Variants in CLSTN2 observed in about 807,000 individuals in gnomAD.
CLSTN2 encodes calsyntenin 2.
CLSTN2 carries 48 observed loss-of-function variants against 101.2 expected under a neutral mutation model. The observed-to-expected ratio is 0.47, with a 90% confidence interval of 0.38 to 0.60. CLSTN2 has a LOEUF of 0.60. Ranked by LOEUF, CLSTN2 falls within the 20% of genes least tolerant of loss-of-function variation. CLSTN2 has a pLI of 0.00. For synonymous variants in CLSTN2, 481 were observed against 463.6 expected, an observed-to-expected ratio of 1.04 and a Z score of -0.48; for missense variants, 1,160 against 1,238.2, an observed-to-expected ratio of 0.94 and a Z score of 0.95.
chr3:140,151,407 C>A (rs997070486), intron 1 of CLSTN2, among the ~76,000 whole-genome samples: 1 of 151,942 alleles, frequency 6.6e-6, no homozygotes, highest in Admixed American at 6.6e-5. Context: ...TCAGGTAGCT[C>A]AAGGTGTCAG....
rs534893910 is a variant in CLSTN2, at chr3:140,208,251, T to C, written c.232+32178T>C. ...ATGGCTCATTTTCAAGGTAACTCTTTATTGAAATTTGTTTTGATGTACGAT... is the reference window on the plus strand; with the variant it reads ...ATGGCTCATTTTCAAGGTAACTCTTCATTGAAATTTGTTTTGATGTACGAT... On this transcript the variant is annotated intron_variant, in intron 2 of 16. Coordinates refer to ENST00000458420, the MANE Select transcript of CLSTN2 (RefSeq NM_022131.3). Among the ~76,000 whole-genome samples, 5 of 152,346 alleles carry C rather than the reference T, an allele frequency of 3.3e-5. No homozygotes were observed. In the East Asian group the frequency reaches 7.7e-4, roughly 24 times the overall value.
intron 2 of CLSTN2, among the ~76,000 whole-genome samples, chr3:140,335,350 G>C (rs947508231): frequency 6.6e-6 from 1 of 152,102 alleles, no homozygotes; most frequent in African/African-American, 2.4e-5. Flanking sequence ...ATAAATTTCG[G>C]TACCACCTTC....
chr3:140,002,294 G>A (rs1209115726), intron 1 of CLSTN2, among the ~76,000 whole-genome samples: 1 of 152,078 alleles, frequency 6.6e-6, no homozygotes, highest in African/African-American at 2.4e-5. Context: ...GTTTTGATTT[G>A]CATTTCTCTG....
chr3:140,558,521 CACTT>C, intron 11 of CLSTN2, 115 bp from the exon 12 acceptor site: 1 of 695,974 alleles, frequency 1.4e-6, no homozygotes, highest in Non-Finnish European at 2.5e-6. Context: ...TCCTCAGAGA[CACTT>C]ACGCAGTCAC....
In CLSTN2 at chr3:140,025,510, T is replaced by G. The variant is rs555337087; in HGVS notation, c.109+90027T>G. On this transcript the variant is annotated intron_variant, in intron 1 of 16. Coordinates refer to ENST00000458420, the MANE Select transcript of CLSTN2 (RefSeq NM_022131.3). Reference sequence around the variant, plus strand: ...AAAATTAGGCCAACCATATGAGATTTTGGTTGTTGTTATTGTGGAGGTTAT... The same window carrying G: ...AAAATTAGGCCAACCATATGAGATTGTGGTTGTTGTTATTGTGGAGGTTAT... 1.1e-4 allele frequency among the ~76,000 whole-genome samples: 16 copies of G among 152,192 alleles called. No individual in the cohort carries two copies. The East Asian group carries it at 3.1e-3, about 29-fold the overall frequency.
intron 1 of CLSTN2, among the ~76,000 whole-genome samples, chr3:140,020,451 C>T (rs2007290612): frequency 6.6e-6 from 1 of 152,188 alleles, no homozygotes; most frequent in Admixed American, 6.5e-5. Flanking sequence ...CATCATGCAT[C>T]TCGTCTTAGC....
chr3:140,171,976 T>G (rs2010244755), intron 1 of CLSTN2, among the ~76,000 whole-genome samples: 1 of 145,638 alleles, frequency 6.9e-6, no homozygotes, highest in Non-Finnish European at 1.5e-5. Flanking sequence ...TCCTACTTAT[T>G]AATTTTTAAC....
chr3:140,241,876 T>TAC (rs747382201), intron 2 of CLSTN2, among the ~76,000 whole-genome samples: 2,528 of 139,964 alleles, frequency 0.018, 55 homozygotes, highest in East Asian at 0.11. Context: ...TACACATATA[T>TAC]ATATACACAC....
At chr3:140,039,295 C>T (rs2007716815) in intron 1 of CLSTN2, among the ~76,000 whole-genome samples, 2 of 151,930 alleles carry the variant, frequency 1.3e-5, no homozygotes, top group Non-Finnish European at 2.9e-5. Context: ...GGGGGTAGAA[C>T]CCCTTTGAAG....
chr3:140,025,381 G>A (rs2007397562), intron 1 of CLSTN2, among the ~76,000 whole-genome samples: 1 of 152,164 alleles, frequency 6.6e-6, no homozygotes, highest in Non-Finnish European at 1.5e-5. Flanking sequence ...TGGGGGCTCT[G>A]GGCTCAGATC....
At chr3:140,330,796 C>A (rs79421713) in intron 2 of CLSTN2, among the ~76,000 whole-genome samples, 1 of 152,172 alleles carries the variant, frequency 6.6e-6, no homozygotes, top group African/African-American at 2.4e-5. Flanking sequence ...GCACATCTAA[C>A]CTGGACTTGC....
chr3:140,281,531 G>A (rs887838035), intron 2 of CLSTN2, among the ~76,000 whole-genome samples: 1 of 152,130 alleles, frequency 6.6e-6, no homozygotes, highest in Non-Finnish European at 1.5e-5. Flanking sequence ...GAAACACGTA[G>A]AGGAAGGGAA....
chr3:140,518,747 T>C (rs982245573), intron 8 of CLSTN2, among the ~76,000 whole-genome samples: 1 of 152,222 alleles, frequency 6.6e-6, no homozygotes, highest in African/African-American at 2.4e-5. Flanking sequence ...TGTGGGTAGT[T>C]CTTGGAGCAA....
At chr3:140,164,452 T>A (rs1159899430) in intron 1 of CLSTN2, among the ~76,000 whole-genome samples, 1 of 152,222 alleles carries the variant, frequency 6.6e-6, no homozygotes, top group Non-Finnish European at 1.5e-5. Context: ...AGTCTCATTT[T>A]ATCTTCCTCT....
chr3:140,480,808 G>C (rs183575253), intron 8 of CLSTN2, among the ~76,000 whole-genome samples: 1 of 152,004 alleles, frequency 6.6e-6, no homozygotes, highest in Non-Finnish European at 1.5e-5. Flanking sequence ...TTTTTTTCTC[G>C]TAAATTTGTT....
intron 1 of CLSTN2, among the ~76,000 whole-genome samples, chr3:140,048,709 T>TG (rs905582159): frequency 2.7e-5 from 4 of 149,156 alleles, no homozygotes; most frequent in Admixed American, 6.7e-5. Context: ...CTGGGGGGAG[T>TG]GGGGGGCAGT....
At chr3:140,419,991 C>T (rs893102214) in intron 4 of CLSTN2, among the ~76,000 whole-genome samples, 1 of 149,412 alleles carries the variant, frequency 6.7e-6, no homozygotes, top group African/African-American at 2.5e-5. Context: ...TTTCCAGGTT[C>T]AAACAATTCT....
chr3:139,965,342 G>A (rs116574993), intron 1 of CLSTN2, among the ~76,000 whole-genome samples: 6 of 152,282 alleles, frequency 3.9e-5, no homozygotes, highest in Non-Finnish European at 5.9e-5. Context: ...GCAAGGAGCA[G>A]GGGCATTTGT....
intron 1 of CLSTN2, among the ~76,000 whole-genome samples, chr3:140,136,158 A>G (rs1484411573): frequency 6.6e-6 from 1 of 152,152 alleles, no homozygotes; most frequent in Admixed American, 6.5e-5. Context: ...GAAAATATCT[A>G]TCACCCTTGG....
Sources: gnomAD v4.1 joint callset for allele counts (sites outside exome capture counted in the v4.1 genomes callset) on GRCh38, gnomAD v4.1.1 for gene constraint, MANE v1.5 for transcripts, NCBI Gene and HGNC (gene_info 2026-07-23, HGNC 2026-07-21) for gene names.